Variants in PITPNA observed in about 807,000 individuals in gnomAD.
The protein encoded by PITPNA is phosphatidylinositol transfer protein alpha isoform.
A neutral mutation model predicts 50.3 loss-of-function variants in PITPNA; 13 were observed. The ratio of observed to expected loss-of-function variants is 0.26; its 90% CI spans 0.17 to 0.41. The LOEUF is 0.41. PITPNA is among the 10% of genes least tolerant of loss of function. The probability of loss-of-function intolerance (pLI) is 1.00; values close to 1 mark genes in which losing one functional copy is unlikely to be tolerated. For synonymous variants in PITPNA, 120 were observed against 119.6 expected (o/e 1.00, Z -0.02); for missense variants, 207 against 333.4 (o/e 0.62, Z 2.95).
At chr17:1,537,578 C>G (rs1161512641) in intron 7 of PITPNA, among the ~76,000 whole-genome samples, 1 of 152,164 alleles carries the variant, frequency 6.6e-6, no homozygotes, top group African/African-American at 2.4e-5. Flanking sequence ...ACAGATCAAC[C>G]AGAGTTGACA....
intron 3 of PITPNA, among the ~76,000 whole-genome samples, chr17:1,551,087 G>A (rs967447697): frequency 1.6e-4 from 25 of 151,636 alleles, no homozygotes; most frequent in African/African-American, 5.6e-4. Context: ...GGGACCTGAT[G>A]GGACACGAAG....
At chr17:1,543,333 G>A (rs1047848869) in intron 4 of PITPNA, among the ~76,000 whole-genome samples, 5 of 152,108 alleles carry the variant, frequency 3.3e-5, no homozygotes, top group African/African-American at 1.2e-4. Flanking sequence ...CAGCAGAGGT[G>A]CCGCAACTCA....
chr17:1,536,426 G>T (rs555333457), intron 7 of PITPNA, among the ~76,000 whole-genome samples: 27 of 146,488 alleles, frequency 1.8e-4, no homozygotes, highest in South Asian at 6.6e-4. Flanking sequence ...CAACTGGGAC[G>T]ACAGGTGCCC....
At chr17:1,530,068 A>G (rs996964184) in intron 10 of PITPNA, among the ~76,000 whole-genome samples, 1 of 152,122 alleles carries the variant, frequency 6.6e-6, no homozygotes, top group Non-Finnish European at 1.5e-5. Context: ...GGGTGATGTA[A>G]TACATGTGAA....
intron 7 of PITPNA, among the ~76,000 whole-genome samples, chr17:1,537,441 T>G (rs1223528220): frequency 1.3e-5 from 2 of 151,958 alleles, no homozygotes; most frequent in Non-Finnish European, 2.9e-5. Context: ...TCAAGTGATA[T>G]GCCTGCCTCG....
intron 10 of PITPNA, among the ~76,000 whole-genome samples, chr17:1,530,775 C>T (rs965274588): frequency 6.6e-6 from 1 of 152,200 alleles, no homozygotes; most frequent in Non-Finnish European, 1.5e-5. Context: ...AGCCAGTTAA[C>T]AACCTTTTGG....
chr17:1,530,363 G>C (rs1263576814), intron 10 of PITPNA, among the ~76,000 whole-genome samples: 1 of 147,274 alleles, frequency 6.8e-6, no homozygotes, highest in Non-Finnish European at 1.5e-5. Flanking sequence ...TGGGGAGAAA[G>C]AGAGAGACAG....
intron 7 of PITPNA, chr17:1,538,299 G>A (rs2075629723): frequency 6.6e-6 from 1 of 152,264 alleles, no homozygotes; most frequent in Non-Finnish European, 1.5e-5. Flanking sequence ...TACTTCTTGG[G>A]TGCAAAACAG....
rs565392517 is a variant in PITPNA at position 1,531,761 on chromosome 17, G to A, written c.768+2338C>T. Among the ~76,000 whole-genome samples, 5 of 152,192 alleles carry A rather than the reference G, an allele frequency of 3.3e-5. No individual in the cohort carries two copies. In the East Asian group the frequency reaches 9.7e-4, roughly 29 times the overall value. On this transcript the variant is annotated intron_variant, in intron 10 of 11. Coordinates refer to ENST00000313486, the MANE Select transcript of PITPNA (RefSeq NM_006224.4). ...ACAACCATCGGAATTACAAGGGGCT[G>A]CTTCTGAGGGGTGGGACTCATAATC...
Position 1,518,997 on chromosome 17 carries a change from C to G in PITPNA, c.*1564G>C, listed in dbSNP as rs2075491805. ...GTTCCAAAGGGACCTCAATGAAGGTCAGCGCTAACCATGCTGGGGGTCTGA... is the reference window on the plus strand; with the variant it reads ...GTTCCAAAGGGACCTCAATGAAGGTGAGCGCTAACCATGCTGGGGGTCTGA... On this transcript the variant is annotated 3_prime_UTR_variant, in exon 12 of 12. Transcript: ENST00000313486. 6.6e-6 allele frequency: 1 copy of G among 152,238 alleles called. No individual in the cohort carries two copies. Among genetic ancestry groups the G allele is most frequent in the African/African-American group, 2.4e-5 (1 of 41,428 alleles). The allele number at this position is 152,238 out of a possible 1,614,324, so 9.4% of individuals were successfully genotyped here.
chr17:1,545,702 G>A (rs566128840), intron 4 of PITPNA, among the ~76,000 whole-genome samples: 3 of 152,068 alleles, frequency 2.0e-5, no homozygotes, highest in South Asian at 4.1e-4. Context: ...AACATTTAAC[G>A]TGCAGAAAAA....
chr17:1,524,202 G>A (rs552794542), intron 10 of PITPNA, among the ~76,000 whole-genome samples: 4 of 151,326 alleles, frequency 2.6e-5, no homozygotes, highest in South Asian at 2.1e-4. Context: ...CCACCAACAC[G>A]CCCGGCTAAT....
chr17:1,543,142 G>A, intron 4 of PITPNA, 115 bp from the exon 5 acceptor site: 1 of 776,734 alleles, frequency 1.3e-6, no homozygotes, highest in Non-Finnish European at 2.1e-6. Context: ...TTTACTCCCT[G>A]TGGCTTATTC....
intron 10 of PITPNA, 31 bp from the exon 11 acceptor site, chr17:1,521,676 G>A (rs766296324): frequency 3.8e-6 from 6 of 1,586,354 alleles, no homozygotes; most frequent in Non-Finnish European, 5.2e-6. Context: ...CAAATGGAAG[G>A]CTCCTGCTGC....
intron 3 of PITPNA, 48 bp downstream of exon 3, chr17:1,552,956 A>T: frequency 1.3e-6 from 2 of 1,573,838 alleles, no homozygotes; most frequent in South Asian, 1.1e-5. Context: ...ACACTCATTC[A>T]CACACACACA....
intron 7 of PITPNA, 142 bp from the exon 8 acceptor site, chr17:1,535,660 C>T: frequency 1.5e-6 from 1 of 676,436 alleles, no homozygotes; most frequent in Non-Finnish European, 2.7e-6. Flanking sequence ...ATGTTATAAA[C>T]AAGATGTAGA....
chr17:1,535,561 G>T, intron 7 of PITPNA, 43 bp from the exon 8 acceptor site: 1 of 1,220,608 alleles, frequency 8.2e-7, no homozygotes, highest in South Asian at 1.2e-5. Context: ...GAGTGGGAGA[G>T]GGAGTGAGAG....
intron 10 of PITPNA, among the ~76,000 whole-genome samples, chr17:1,529,369 A>G (rs1045585523): frequency 6.6e-6 from 1 of 151,554 alleles, no homozygotes. Flanking sequence ...TTAAAAATAG[A>G]AAATTAGTGG....
In PITPNA at chr17:1,519,394, TC is replaced by T. The variant is rs2075495087; in HGVS notation, c.*1166del. ...CGTCTGTTCCCCTGGAGCCTGGACT[TC>T]CTCACCAGCCTACTTTGGTCGGGTT... is the stretch of plus-strand genomic sequence containing the variant. On this transcript the variant is annotated 3_prime_UTR_variant, in exon 12 of 12. Coordinates refer to ENST00000313486, the MANE Select transcript of PITPNA (RefSeq NM_006224.4). 2 of 152,524 alleles carry T rather than the reference TC, an allele frequency of 1.3e-5. No individual in the cohort carries two copies. The highest frequency in any genetic ancestry group is 2.1e-4 in the South Asian group (1 of 4,826). The allele number at this position is 152,524 out of a possible 1,614,324, so 9.4% of individuals were successfully genotyped here. A position where few individuals can be genotyped will look rare whatever the true frequency, so the allele number is the denominator to read the frequency against.
Sources: allele counts gnomAD v4.1 joint callset (sites outside exome capture counted in the v4.1 genomes callset), GRCh38; gene constraint gnomAD v4.1.1; transcripts MANE v1.5; gene names NCBI Gene and HGNC (gene_info 2026-07-23, HGNC 2026-07-21).